LONP2: variants seen among roughly 807,000 people sequenced by gnomAD.
LONP2 encodes lon peptidase 2, peroxisomal, also known as lon protease homolog 2, peroxisomal.
In LONP2, 60 loss-of-function variants were observed where a neutral mutation model predicts 85.6. The ratio of observed to expected loss-of-function variants is 0.70; its 90% CI spans 0.57 to 0.87. LONP2 has a LOEUF of 0.87. Ranked by LOEUF, LONP2 falls within the 40% of genes least tolerant of loss-of-function variation. LONP2 has a pLI of 0.00. For missense variants in LONP2, 860 were observed against 1,063.5 expected, an observed-to-expected ratio of 0.81 and a Z score of 2.66; for synonymous variants, 395 against 389.7, an observed-to-expected ratio of 1.01 and a Z score of -0.16.
chr16:48,265,556 C>T (rs970743621), intron 6 of LONP2, among the ~76,000 whole-genome samples: 4 of 152,020 alleles, frequency 2.6e-5, no homozygotes, highest in African/African-American at 9.7e-5. Flanking sequence ...TATTTCTGGG[C>T]CCTCTATTCT....
intron 9 of LONP2, among the ~76,000 whole-genome samples, chr16:48,299,015 A>C (rs539758031): frequency 6.6e-6 from 1 of 151,280 alleles, no homozygotes; most frequent in Non-Finnish European, 1.5e-5. Context: ...CTCAGCCTCC[A>C]GAGTAACCAG....
chr16:48,344,706 C>G (rs1481931396), intron 12 of LONP2: 1 of 152,080 alleles, frequency 6.6e-6, no homozygotes, highest in African/African-American at 2.4e-5. Flanking sequence ...GAAGATCGCT[C>G]AAGCCCAGGA....
chr16:48,279,343 T>C (rs982379169), intron 8 of LONP2, among the ~76,000 whole-genome samples: 1 of 152,128 alleles, frequency 6.6e-6, no homozygotes, highest in African/African-American at 2.4e-5. Flanking sequence ...GTCAGCTGGC[T>C]GTGCTGTTTG....
At chr16:48,258,534 C>A in intron 3 of LONP2, 84 bp from the exon 4 acceptor site, 2 of 1,382,536 alleles carry the variant, frequency 1.4e-6, no homozygotes, top group South Asian at 1.6e-5. Flanking sequence ...TTTAACTTGG[C>A]AATTTAAACC....
intron 7 of LONP2, among the ~76,000 whole-genome samples, chr16:48,275,551 C>T (rs906013168): frequency 1.3e-5 from 2 of 152,062 alleles, no homozygotes; most frequent in Admixed American, 6.6e-5. Context: ...ATTATTAGAG[C>T]GATCCCTTTG....
chr16:48,296,051 C>G lies in LONP2; in HGVS notation c.1420C>G (p.His474Asp), dbSNP rs200581559. The change falls in exon 9 of 15, where the codon CAT (histidine) becomes GAT (aspartate). Residue 474 changes from histidine (H) to aspartate (D), a missense_variant. Transcript: ENST00000285737. ...DPEQNHNFTD[H>D]YLNVAFDLSQ... is the part of the protein sequence containing the mutation. ...TGAACAAAACCATAACTTCACAGATCATTATCTAAATGTGGCCTTTGACCT... is the reference window on the plus strand; with the variant it reads ...TGAACAAAACCATAACTTCACAGATGATTATCTAAATGTGGCCTTTGACCT... The G allele has an allele frequency of 6.2e-7, 1 of 1,614,152 alleles. No homozygotes were observed.
At chr16:48,276,777 T>C (rs1972218025) in intron 7 of LONP2, among the ~76,000 whole-genome samples, 2 of 152,246 alleles carry the variant, frequency 1.3e-5, no homozygotes, top group South Asian at 4.1e-4. Context: ...CAGATCCTTA[T>C]ACTATAATTA....
intron 7 of LONP2, among the ~76,000 whole-genome samples, chr16:48,275,882 G>C (rs1972198232): frequency 6.6e-6 from 1 of 152,030 alleles, no homozygotes; most frequent in Non-Finnish European, 1.5e-5. Flanking sequence ...TTTTTAGAAA[G>C]GGTGCCTACC....
At chr16:48,327,129 G>A (rs57760532) in intron 11 of LONP2, among the ~76,000 whole-genome samples, 1,866 of 152,280 alleles carry the variant, frequency 0.012, 40 homozygotes, top group African/African-American at 0.042. Flanking sequence ...CTGCCCCCGT[G>A]CTGTGTGCAT....
chr16:48,338,865 G>T (rs191566899), intron 12 of LONP2, among the ~76,000 whole-genome samples: 2 of 152,114 alleles, frequency 1.3e-5, no homozygotes, highest in Non-Finnish European at 2.9e-5. Flanking sequence ...CCAAGATCAC[G>T]CCACTGCATT....
chr16:48,352,048 G>C lies in LONP2; in HGVS notation c.*246G>C, dbSNP rs1429767076. The C allele has an allele frequency of 2.0e-6, 1 of 500,284 alleles. No homozygotes were observed. Among genetic ancestry groups the C allele is most frequent in the Non-Finnish European group, 3.6e-6 (1 of 279,736 alleles). The allele number at this position is 500,284 out of a possible 1,614,324, so 31.0% of individuals were successfully genotyped here. A position where few individuals can be genotyped will look rare whatever the true frequency, so the allele number is the denominator to read the frequency against. Reference sequence around the variant, plus strand: ...TCCTTACTGTCCCTGGAAAGATATAGCATAGTGGTTCTCAGCACAGTCTCC... The same window carrying C: ...TCCTTACTGTCCCTGGAAAGATATACCATAGTGGTTCTCAGCACAGTCTCC... On this transcript the variant is annotated 3_prime_UTR_variant, in exon 15 of 15. Transcript: ENST00000285737.
chr16:48,280,391 A>G (rs541581138), intron 8 of LONP2, among the ~76,000 whole-genome samples: 20 of 152,354 alleles, frequency 1.3e-4, no homozygotes, highest in African/African-American at 4.6e-4. Flanking sequence ...GTAGTAGATG[A>G]TTAAGTCCCC....
chr16:48,288,229 C>T (rs939370459), intron 8 of LONP2, among the ~76,000 whole-genome samples: 2 of 148,868 alleles, frequency 1.3e-5, no homozygotes, highest in Non-Finnish European at 1.5e-5. Flanking sequence ...TCTTGGCTCA[C>T]TGCAACCTCT....
intron 12 of LONP2, among the ~76,000 whole-genome samples, chr16:48,339,869 T>G (rs1216560387): frequency 2.6e-5 from 4 of 152,158 alleles, no homozygotes; most frequent in African/African-American, 9.7e-5. Flanking sequence ...GTGCTGGAGT[T>G]CATGGCTTGA....
Position 48,356,701 on chromosome 16 carries a change from G to A in LONP2, c.*4899G>A. 1 of 386,684 alleles carries A rather than the reference G, an allele frequency of 2.6e-6. No homozygotes were observed. Among genetic ancestry groups the A allele is most frequent in the East Asian group, 7.6e-5 (1 of 13,230 alleles). 24.0% of individuals were successfully genotyped at this position (386,684 alleles called of 1,614,324 possible). ...ATCAAAAAGGTCTGAATAGACAACA[G>A]GCAAATATGGTGAGTGGTCATTGAG... On this transcript the variant is annotated 3_prime_UTR_variant, in exon 15 of 15. Transcript: ENST00000285737.
chr16:48,307,700 G>GA (rs947046444), intron 11 of LONP2, among the ~76,000 whole-genome samples: 1 of 151,658 alleles, frequency 6.6e-6, no homozygotes, highest in Non-Finnish European at 1.5e-5. Flanking sequence ...AAATTGGTTA[G>GA]AAAAAAAAGA....
Position 48,356,742 on chromosome 16 carries a change from C to T in LONP2, c.*4940C>T, listed in dbSNP as rs1038144930. 9 of 322,902 alleles carry T rather than the reference C, an allele frequency of 2.8e-5. No homozygotes were observed. The highest frequency in any genetic ancestry group is 7.9e-4 in the Middle Eastern group (2 of 2,536). The allele number at this position is 322,902 out of a possible 1,614,324, so 20.0% of individuals were successfully genotyped here. A position where few individuals can be genotyped will look rare whatever the true frequency, so the allele number is the denominator to read the frequency against. On this transcript the variant is annotated 3_prime_UTR_variant, in exon 15 of 15. Transcript: ENST00000285737. ...GGTCATTGAGATGTTTTAAAAGTTACAGCAAAAGGACTTCTAAAACAATTT... is the reference window on the plus strand; with the variant it reads ...GGTCATTGAGATGTTTTAAAAGTTATAGCAAAAGGACTTCTAAAACAATTT...
chr16:48,361,976 C>T (rs1234436547), downstream of LONP2: 3 of 1,614,138 alleles, frequency 1.9e-6, no homozygotes, highest in Non-Finnish European at 1.7e-6. Context: ...TGGACTTATG[C>T]TGATGCATCA....
intron 12 of LONP2, chr16:48,336,333 T>C (rs1246839350): frequency 2.2e-6 from 1 of 456,164 alleles, no homozygotes; most frequent in East Asian, 6.9e-5. Flanking sequence ...TTTAACATAG[T>C]AACACTTTTA....
Sources: allele counts gnomAD v4.1 joint callset (sites outside exome capture counted in the v4.1 genomes callset), GRCh38; gene constraint gnomAD v4.1.1; transcripts MANE v1.5; gene names NCBI Gene and HGNC (gene_info 2026-07-23, HGNC 2026-07-21).